The following SGCD variants were observed in gnomAD, a reference collection of about 807,000 sequenced individuals.
SGCD encodes the protein delta-sarcoglycan.
Under a neutral mutation model 36.6 loss-of-function variants are expected in SGCD, and 18 were observed. That is an observed-to-expected ratio of 0.49 (90% CI 0.34 to 0.73). SGCD has a LOEUF of 0.73. SGCD is among the 30% of genes least tolerant of loss of function. SGCD has a pLI of 0.01. For synonymous variants in SGCD, 133 were observed against 130.6 expected (o/e 1.02, Z -0.12); for missense variants, 387 against 346.7 (o/e 1.12, Z -0.92).
intron 4 of SGCD, among the ~76,000 whole-genome samples, chr5:156,556,157 CAG>C (rs905546141): frequency 6.6e-6 from 1 of 150,786 alleles, no homozygotes; most frequent in African/African-American, 2.4e-5. Context: ...GAGATACGCT[CAG>C]AGTCAGTCTT....
intron 2 of SGCD, among the ~76,000 whole-genome samples, chr5:156,334,609 C>CTTTTTTTTTTTTTTTTTTTTTT (rs35767339): frequency 2.9e-5 from 3 of 105,068 alleles, no homozygotes; most frequent in African/African-American, 7.6e-5. Flanking sequence ...GGTCTATTTT[C>CTTTTTTTTTTTTTTTTTTTTTT]TTTTTTTTTT....
intron 1 of SGCD, among the ~76,000 whole-genome samples, chr5:155,935,193 C>A (rs1474879252): frequency 1.3e-5 from 2 of 152,170 alleles, no homozygotes; most frequent in East Asian, 3.8e-4. Flanking sequence ...CTGTTGCTTG[C>A]AATTAAGACT....
intron 3 of SGCD, among the ~76,000 whole-genome samples, chr5:156,292,032 ACT>A (rs1360121712): frequency 2.6e-5 from 4 of 151,830 alleles, no homozygotes; most frequent in Non-Finnish European, 4.4e-5. Flanking sequence ...CCACCATTCT[ACT>A]CTCTGCTTCT....
intron 7 of SGCD, among the ~76,000 whole-genome samples, chr5:156,651,848 G>T (rs542399930): frequency 6.6e-6 from 1 of 151,816 alleles, no homozygotes; most frequent in Non-Finnish European, 1.5e-5. Flanking sequence ...GTAGTTTTTA[G>T]ATTACATTGG....
At chr5:156,060,223 G>A (rs942586613) in intron 1 of SGCD, among the ~76,000 whole-genome samples, 1 of 146,384 alleles carries the variant, frequency 6.8e-6, no homozygotes, top group Non-Finnish European at 1.5e-5. Context: ...AGTAAGTGTA[G>A]AGGAGAAATG....
intron 4 of SGCD, among the ~76,000 whole-genome samples, chr5:156,531,807 T>TA (rs1757902308): frequency 6.6e-6 from 1 of 151,526 alleles, no homozygotes. Flanking sequence ...AAAAAGACTC[T>TA]ACGTAAATGT....
chr5:156,737,878 G>GAGTTAGTGGCTAACTC (rs1756455455), intron 7 of SGCD, among the ~76,000 whole-genome samples: 1 of 152,118 alleles, frequency 6.6e-6, no homozygotes, highest in Non-Finnish European at 1.5e-5. Flanking sequence ...TCCCCATCGC[G>GAGTTAGTGGCTAACTC]AGTTAGTGGC....
intron 1 of SGCD, among the ~76,000 whole-genome samples, chr5:156,054,581 G>A (rs567718535): frequency 1.4e-5 from 2 of 146,650 alleles, no homozygotes; most frequent in Admixed American, 6.8e-5. Context: ...CACCGCGCCC[G>A]GCCCCTAAAC....
At chr5:155,995,664 C>T (rs1758526047) in intron 1 of SGCD, among the ~76,000 whole-genome samples, 3 of 152,072 alleles carry the variant, frequency 2.0e-5, no homozygotes, top group South Asian at 4.1e-4. Context: ...GTAAAGGATA[C>T]AATCCTAATA....
intron 1 of SGCD, among the ~76,000 whole-genome samples, chr5:155,884,356 C>T (rs907050704): frequency 1.3e-5 from 2 of 152,172 alleles, no homozygotes; most frequent in African/African-American, 4.8e-5. Flanking sequence ...CAATAAATCC[C>T]AGCAAGTCCT....
intron 6 of SGCD, among the ~76,000 whole-genome samples, chr5:156,601,820 C>T (rs529675317): frequency 2.6e-5 from 4 of 152,020 alleles, no homozygotes; most frequent in Non-Finnish European, 5.9e-5. Flanking sequence ...AGTAGCTGGG[C>T]CTACAGGCGC....
At position 156,138,614 on chromosome 5, in the gene SGCD, G is replaced by A. The variant is rs530933039; in HGVS notation, c.-44+14595G>A. On this transcript the variant is annotated intron_variant, in intron 3 of 9. Transcript: ENST00000517913. The stretch of plus-strand genomic sequence containing the variant: ...TTTTCCTTTTGATAGACATCTGGCT[G>A]TTTCCCATTTGGGAATAATAAGAAT... Among the ~76,000 whole-genome samples the A allele has an allele frequency of 8.5e-5, 13 of 152,298 alleles. No homozygotes were observed. In the South Asian group the frequency reaches 2.7e-3, roughly 32 times the overall value.
At chr5:156,011,544 A>G (rs1758861731) in intron 1 of SGCD, among the ~76,000 whole-genome samples, 1 of 151,992 alleles carries the variant, frequency 6.6e-6, no homozygotes, top group Admixed American at 6.6e-5. Context: ...GGGTTCAAGA[A>G]GTCCTCTGCC....
intron 7 of SGCD, among the ~76,000 whole-genome samples, chr5:156,715,805 T>C (rs1755196619): frequency 6.6e-6 from 1 of 152,200 alleles, no homozygotes; most frequent in South Asian, 2.1e-4. Context: ...TGATGCTCTG[T>C]GCAGTGCCTG....
chr5:155,738,961 G>A, the SGCD span, among the ~76,000 whole-genome samples: 1 of 152,026 alleles, frequency 6.6e-6, no homozygotes, highest in East Asian at 1.9e-4. Context: ...AAGAGAGAGA[G>A]AAAGAGAGAA....
chr5:156,642,979 T>C (rs1219682489), intron 6 of SGCD, among the ~76,000 whole-genome samples: 4 of 151,944 alleles, frequency 2.6e-5, no homozygotes, highest in African/African-American at 9.7e-5. Flanking sequence ...CTACTATATA[T>C]TTTCATTTCT....
At chr5:155,862,887 A>G in the SGCD span, among the ~76,000 whole-genome samples, 1 of 152,150 alleles carries the variant, frequency 6.6e-6, no homozygotes, top group African/African-American at 2.4e-5. Context: ...TCAGCCATTT[A>G]TTAAGGAGCC....
At chr5:156,298,445 G>A (rs1169364469) in intron 3 of SGCD, among the ~76,000 whole-genome samples, 1 of 151,816 alleles carries the variant, frequency 6.6e-6, no homozygotes, top group Non-Finnish European at 1.5e-5. Flanking sequence ...ATGGCCTTTT[G>A]GATAAAAGCC....
intron 1 of SGCD, among the ~76,000 whole-genome samples, chr5:156,107,272 G>A (rs1761671502): frequency 6.6e-6 from 1 of 152,166 alleles, no homozygotes; most frequent in South Asian, 2.1e-4. Flanking sequence ...GAATAAGTCT[G>A]TAGGTTAAGT....
Sources: allele counts gnomAD v4.1 joint callset (sites outside exome capture counted in the v4.1 genomes callset), GRCh38; gene constraint gnomAD v4.1.1; transcripts MANE v1.5; gene names NCBI Gene and HGNC (gene_info 2026-07-23, HGNC 2026-07-21).